Variants in GADL1 observed in about 807,000 individuals in gnomAD.
GADL1 encodes the protein acidic amino acid decarboxylase GADL1.
A neutral mutation model predicts 69.5 loss-of-function variants in GADL1; 71 were observed. That is an observed-to-expected ratio of 1.02 (90% CI 0.84 to 1.25). The LOEUF (loss-of-function observed/expected upper bound fraction) is 1.25. GADL1 is among the 50% of genes most tolerant of loss of function. GADL1 has a pLI of 0.00. For missense variants in GADL1, 737 were observed against 631.8 expected (o/e 1.17, Z -1.79); for synonymous variants, 254 against 214.4 (o/e 1.18, Z -1.62).
At chr3:30,766,514 T>G (rs990811188) in intron 14 of GADL1, among the ~76,000 whole-genome samples, 3 of 152,122 alleles carry the variant, frequency 2.0e-5, no homozygotes, top group Non-Finnish European at 2.9e-5. Context: ...ACATGTACTA[T>G]CCTATTTAGT....
intron 14 of GADL1, among the ~76,000 whole-genome samples, chr3:30,759,675 G>A (rs963936658): frequency 4.6e-5 from 7 of 152,158 alleles, no homozygotes; most frequent in South Asian, 2.1e-4. Flanking sequence ...ATTTGTGGTA[G>A]ATTAGGTTCT....
At chr3:30,746,334 C>G (rs957265464) in intron 14 of GADL1, among the ~76,000 whole-genome samples, 4 of 152,128 alleles carry the variant, frequency 2.6e-5, no homozygotes, top group African/African-American at 9.7e-5. Flanking sequence ...CTTTAAGGTA[C>G]CACTCACTGC....
intron 1 of GADL1, among the ~76,000 whole-genome samples, chr3:30,882,088 T>C (rs1313087192): frequency 6.6e-6 from 1 of 151,988 alleles, no homozygotes; most frequent in East Asian, 1.9e-4. Flanking sequence ...GTTTGACAAG[T>C]TTCTAAATAG....
chr3:30,754,374 A>AT (rs962959716), intron 14 of GADL1, among the ~76,000 whole-genome samples: 9 of 151,436 alleles, frequency 5.9e-5, no homozygotes, highest in African/African-American at 2.2e-4. Flanking sequence ...AGGAAAGAAT[A>AT]TGTTGGGGCT....
intron 14 of GADL1, among the ~76,000 whole-genome samples, chr3:30,755,649 C>CTG (rs1239230687): frequency 8.5e-5 from 13 of 152,268 alleles, no homozygotes; most frequent in African/African-American, 3.1e-4. Context: ...GTTTAAATGT[C>CTG]TGAATCCCCT....
chr3:30,755,956 T>TC (rs1695959907), intron 14 of GADL1, among the ~76,000 whole-genome samples: 1 of 152,088 alleles, frequency 6.6e-6, no homozygotes, highest in Admixed American at 6.6e-5. Context: ...ACAAGCTGCC[T>TC]CCTATATGCA....
At position 30,850,897 on chromosome 3, in the gene GADL1, G is replaced by T. The variant is rs1001938718; in HGVS notation, c.473C>A (p.Ala158Glu). The change falls in exon 5 of 15, where the codon GCG (alanine) becomes GAG (glutamate). Residue 158 changes from alanine (A) to glutamate (E), a missense_variant. By Grantham distance (107) the Ala-to-Glu change is moderately radical. Coordinates refer to ENST00000282538, the MANE Select transcript of GADL1 (RefSeq NM_207359.3). ...AAATTCAATCATTTTCTTCAGAACC[G>T]CTTCTTCCACTAACAGAAACACTGG... ...VSPVFLLVEEAVLKKMIEFIG... is the reference protein window; with the variant it reads ...VSPVFLLVEEEVLKKMIEFIG... The T allele has an allele frequency of 1.3e-6, 2 of 1,549,916 alleles. No homozygotes were observed. The highest frequency in any genetic ancestry group is 2.4e-5 in the East Asian group (1 of 40,880).
chr3:30,801,636 C>G lies in GADL1; in HGVS notation c.1051-548G>C, dbSNP rs151327846. On this transcript the variant is annotated intron_variant, in intron 11 of 14. Coordinates refer to ENST00000282538, the MANE Select transcript of GADL1 (RefSeq NM_207359.3). ...ACTACCACAGAACATCAGCTATAAT[C>G]CCACAGGGCCTTTTGTGTTTGTCTC... Among the ~76,000 whole-genome samples the G allele has an allele frequency of 1.8e-3, 279 of 152,316 alleles. 2 individuals carry two copies. Among genetic ancestry groups the G allele is most frequent in the African/African-American group, 6.3e-3 (260 of 41,578 alleles).
intron 2 of GADL1, among the ~76,000 whole-genome samples, chr3:30,858,545 G>A (rs1254791080): frequency 6.6e-6 from 1 of 151,934 alleles, no homozygotes; most frequent in African/African-American, 2.4e-5. Flanking sequence ...AGATTTTGAG[G>A]GTGAGATGAA....
chr3:30,756,509 C>G (rs1695974339), intron 14 of GADL1, among the ~76,000 whole-genome samples: 1 of 152,192 alleles, frequency 6.6e-6, no homozygotes, highest in Non-Finnish European at 1.5e-5. Flanking sequence ...CAGGTGAAGT[C>G]TATTCCTCAT....
chr3:30,767,161 A>T (rs1696301112), intron 14 of GADL1, among the ~76,000 whole-genome samples: 1 of 152,184 alleles, frequency 6.6e-6, no homozygotes, highest in Non-Finnish European at 1.5e-5. Flanking sequence ...AAGGAAAGCA[A>T]GTTTCAGTAA....
intron 11 of GADL1, among the ~76,000 whole-genome samples, chr3:30,812,834 G>C (rs1165037024): frequency 6.6e-6 from 1 of 152,034 alleles, no homozygotes. Context: ...AGGGATTTTA[G>C]GTAGCCTACA....
intron 1 of GADL1, among the ~76,000 whole-genome samples, chr3:30,893,304 C>A (rs4955350): frequency 0.25 from 38,180 of 151,868 alleles, 5,872 homozygotes; most frequent in East Asian, 0.46. Context: ...TGTTTATGGG[C>A]TACAATATGA....
chr3:30,769,826 T>A (rs1045408075), intron 14 of GADL1, among the ~76,000 whole-genome samples: 1 of 143,742 alleles, frequency 7.0e-6, no homozygotes, highest in Non-Finnish European at 1.5e-5. Flanking sequence ...CCTCAGTCGA[T>A]AGTGGGCCAA....
chr3:30,815,793 A>G (rs970686936), intron 11 of GADL1, among the ~76,000 whole-genome samples: 2 of 152,196 alleles, frequency 1.3e-5, no homozygotes, highest in African/African-American at 4.8e-5. Flanking sequence ...CGGCTTTACA[A>G]TTCAGTTTTA....
At chr3:30,894,094 A>C (rs890713962) in intron 1 of GADL1, among the ~76,000 whole-genome samples, 3 of 152,230 alleles carry the variant, frequency 2.0e-5, no homozygotes, top group African/African-American at 7.2e-5. Context: ...CCCCGTTCTC[A>C]ATCTGCAGCT....
chr3:30,752,941 A>G (rs1208607629), intron 14 of GADL1, among the ~76,000 whole-genome samples: 1 of 127,380 alleles, frequency 7.9e-6, no homozygotes, highest in Non-Finnish European at 1.7e-5. Flanking sequence ...TGAGAACACA[A>G]TCCTCGTTTT....
chr3:30,857,243 G>A lies in GADL1; in HGVS notation c.211-102C>T, dbSNP rs867456208. 8 of 987,744 alleles carry A rather than the reference G, an allele frequency of 8.1e-6. No homozygotes were observed. In the Middle Eastern group the frequency reaches 1.1e-3, roughly 131 times the overall value. 61.2% of individuals were successfully genotyped at this position (987,744 alleles called of 1,614,324 possible). On this transcript the variant is annotated intron_variant, in intron 2 of 14. Coordinates refer to ENST00000282538, the MANE Select transcript of GADL1 (RefSeq NM_207359.3). ...ACCATTACAAAGCTTCTGGGCAGCG[G>A]GTGATTTAAACATGCAACTATAGTT...
chr3:30,873,677 G>C (rs1167165655), intron 1 of GADL1, among the ~76,000 whole-genome samples: 33 of 151,910 alleles, frequency 2.2e-4, no homozygotes, highest in Non-Finnish European at 1.5e-5. Context: ...GACTTTAAAT[G>C]AATTCCATTT....
Sources: allele counts gnomAD v4.1 joint callset (sites outside exome capture counted in the v4.1 genomes callset), GRCh38; gene constraint gnomAD v4.1.1; transcripts MANE v1.5; gene names NCBI Gene and HGNC (gene_info 2026-07-23, HGNC 2026-07-21).